Variants in ZMYM2 observed in about 807,000 individuals in gnomAD.
ZMYM2 encodes zinc finger MYM-type protein 2.
ZMYM2 carries 56 observed loss-of-function variants against 162.8 expected under a neutral mutation model. That is an observed-to-expected ratio of 0.34 (90% CI 0.28 to 0.43). The LOEUF is 0.43. ZMYM2 is among the 20% of genes least tolerant of loss of function. ZMYM2 has a pLI of 1.00. For synonymous variants in ZMYM2, 510 were observed against 541.6 expected, an observed-to-expected ratio of 0.94 and a Z score of 0.81; for missense variants, 1,275 against 1,621.8, an observed-to-expected ratio of 0.79 and a Z score of 3.67.
chr13:20,070,002 A>C (rs1230708869), intron 21 of ZMYM2, among the ~76,000 whole-genome samples: 2 of 151,656 alleles, frequency 1.3e-5, no homozygotes, highest in African/African-American at 2.4e-5. Flanking sequence ...TTTTCTTTTC[A>C]TCTGCTTCCA....
In ZMYM2 at chr13:20,008,556, A is replaced by G. The variant is rs1354382124; in HGVS notation, c.1512+1970A>G. 3.3e-5 allele frequency among the ~76,000 whole-genome samples: 5 copies of G among 152,364 alleles called. No homozygotes were observed. In the South Asian group the frequency reaches 6.2e-4, roughly 19 times the overall value. ...CTGGGAGCCTCAGAATGTATCTCTCAAGGATAAGAGGTGGCACTGCCATAT... is the reference window on the plus strand; with the variant it reads ...CTGGGAGCCTCAGAATGTATCTCTCGAGGATAAGAGGTGGCACTGCCATAT... On this transcript the variant is annotated intron_variant, in intron 6 of 24. Coordinates refer to ENST00000610343, the MANE Select transcript of ZMYM2 (RefSeq NM_197968.4).
In ZMYM2 at chr13:20,088,271, C is replaced by A; in HGVS notation, c.*2257C>A. ...GTTTGTTCTGTGAAACTCACTTCAC[C>A]TAGAACACATTTCATTGATTCTTGG... On this transcript the variant is annotated 3_prime_UTR_variant, in exon 25 of 25. Coordinates refer to ENST00000610343, the MANE Select transcript of ZMYM2 (RefSeq NM_197968.4). 4.8e-6 allele frequency: 1 copy of A among 208,322 alleles called. No homozygotes were observed. The highest frequency in any genetic ancestry group is 2.3e-5 in the African/African-American group (1 of 44,086). 12.9% of individuals were successfully genotyped at this position (208,322 alleles called of 1,614,324 possible). A position where few individuals can be genotyped will look rare whatever the true frequency, so the allele number is the denominator to read the frequency against.
intron 6 of ZMYM2, among the ~76,000 whole-genome samples, chr13:20,015,767 C>A (rs1218695438): frequency 6.6e-6 from 1 of 152,016 alleles, no homozygotes; most frequent in Admixed American, 6.6e-5. Flanking sequence ...CATATAGGCT[C>A]TTTTTGCCTT....
intron 3 of ZMYM2, among the ~76,000 whole-genome samples, chr13:20,000,111 A>T (rs764948692): frequency 2.1e-4 from 32 of 152,164 alleles, no homozygotes; most frequent in Non-Finnish European, 4.1e-4. Flanking sequence ...AAACAGCCTT[A>T]TTGCTGATGT....
At chr13:20,036,656 G>C in intron 11 of ZMYM2, 81 bp from the exon 12 acceptor site, 3 of 1,191,798 alleles carry the variant, frequency 2.5e-6, no homozygotes, top group South Asian at 2.5e-5. Flanking sequence ...GAAAAATCTT[G>C]ACCAATTAAG....
At chr13:20,061,992 G>C (rs1366261963) in intron 17 of ZMYM2, among the ~76,000 whole-genome samples, 1 of 152,202 alleles carries the variant, frequency 6.6e-6, no homozygotes, top group Non-Finnish European at 1.5e-5. Flanking sequence ...ATAACGTGAT[G>C]AGTGTGTTGT....
At chr13:20,046,758 C>T (rs1180042535) in intron 12 of ZMYM2, among the ~76,000 whole-genome samples, 1 of 150,954 alleles carries the variant, frequency 6.6e-6, no homozygotes, top group Non-Finnish European at 1.5e-5. Flanking sequence ...TTTTGGGAAG[C>T]AAAGGTACGT....
chr13:19,944,972 C>T, the ZMYM2 span, among the ~76,000 whole-genome samples: 44 of 151,900 alleles, frequency 2.9e-4, no homozygotes, highest in African/African-American at 1.1e-3. Flanking sequence ...CGCCCGGCCC[C>T]TATTTTTTAT....
chr13:20,013,164 G>T (rs539822304), intron 6 of ZMYM2, among the ~76,000 whole-genome samples: 2 of 152,210 alleles, frequency 1.3e-5, no homozygotes, highest in East Asian at 3.9e-4. Flanking sequence ...GGTTTTTAGT[G>T]TACAAGTCTT....
chr13:20,059,421 T>C (rs759182762), intron 15 of ZMYM2, 26 bp from the exon 16 acceptor site: 28 of 1,611,408 alleles, frequency 1.7e-5, no homozygotes, highest in South Asian at 4.4e-5. Context: ...TTAACATTGC[T>C]CCTTAAATAT....
At chr13:19,881,556 A>T in the ZMYM2 span, among the ~76,000 whole-genome samples, 1 of 151,892 alleles carries the variant, frequency 6.6e-6, no homozygotes, top group Non-Finnish European at 1.5e-5. Context: ...CAGGAGGAGG[A>T]GGTTGCAGTG....
At chr13:20,059,388 G>C in intron 15 of ZMYM2, 59 bp from the exon 16 acceptor site, 1 of 1,551,342 alleles carries the variant, frequency 6.4e-7, no homozygotes, top group Non-Finnish European at 8.7e-7. Context: ...TTTTAACATT[G>C]AGCACCTGTA....
rs140367048 is a variant in ZMYM2 at position 20,062,982 on chromosome 13, C to T, written c.3037+11C>T. The T allele has an allele frequency of 7.5e-5, 119 of 1,589,926 alleles. No homozygotes were observed. The East Asian group carries it at 2.2e-3, about 30-fold the overall frequency. On this transcript the variant is annotated intron_variant, in intron 18 of 24. Transcript: ENST00000610343. ...TAGATTTTCCCAGAGGTACTCAAAA[C>T]CTTTATGACTATGGAATTTAGTTAT...
At chr13:20,014,930 A>G (rs1477509043) in intron 6 of ZMYM2, among the ~76,000 whole-genome samples, 2 of 151,636 alleles carry the variant, frequency 1.3e-5, no homozygotes, top group East Asian at 3.9e-4. Context: ...ACACCTGGCT[A>G]ATTTTTGTAT....
chr13:20,004,176 A>T (rs1353845285), intron 4 of ZMYM2, among the ~76,000 whole-genome samples: 1 of 152,238 alleles, frequency 6.6e-6, no homozygotes, highest in Non-Finnish European at 1.5e-5. Flanking sequence ...GCAGTAGTAA[A>T]CTTAAATACT....
intron 2 of ZMYM2, among the ~76,000 whole-genome samples, chr13:19,984,561 TTAGTCTTAAA>T (rs1948986485): frequency 6.6e-6 from 1 of 152,244 alleles, no homozygotes; most frequent in South Asian, 2.1e-4. Flanking sequence ...AGTTATTTGT[TTAGTCTTAAA>T]TAGTTAGAAT....
chr13:19,961,505 T>G (rs148886112), intron 2 of ZMYM2, among the ~76,000 whole-genome samples: 1 of 152,324 alleles, frequency 6.6e-6, no homozygotes, highest in African/African-American at 2.4e-5. Context: ...AAGGGTTAGA[T>G]CTTTCAAATA....
chr13:19,892,275 A>G, the ZMYM2 span, among the ~76,000 whole-genome samples: 4 of 150,414 alleles, frequency 2.7e-5, no homozygotes, highest in East Asian at 7.8e-4. Context: ...TTATTTATTT[A>G]TTTATTTATT....
the ZMYM2 span, among the ~76,000 whole-genome samples, chr13:19,886,162 C>CTTTTTTTTTTTTTTTTTTTTTTT: frequency 1.0e-5 from 1 of 98,446 alleles, no homozygotes; most frequent in African/African-American, 4.0e-5. Context: ...TTCTTTCTTT[C>CTTTTTTTTTTTTTTTTTTTTTTT]TTTTTTTTTT....
Sources: gnomAD v4.1 joint callset for allele counts (sites outside exome capture counted in the v4.1 genomes callset) on GRCh38, gnomAD v4.1.1 for gene constraint, MANE v1.5 for transcripts, NCBI Gene and HGNC (gene_info 2026-07-23, HGNC 2026-07-21) for gene names.